The following THNSL2 variants were observed in gnomAD, a reference collection of about 807,000 sequenced individuals.
THNSL2 encodes the protein threonine synthase like 2.
In THNSL2, 34 loss-of-function variants were observed where a neutral mutation model predicts 40.0. The observed-to-expected ratio is 0.85, with a 90% CI of 0.65 to 1.13. THNSL2 has a LOEUF of 1.13. Ranked by LOEUF, THNSL2 falls within the 50% of genes most tolerant of loss-of-function variation. The pLI, the probability that THNSL2 is intolerant of heterozygous loss-of-function variation, is 0.00. For missense variants in THNSL2, 537 were observed against 608.8 expected (o/e 0.88, Z 1.24); for synonymous variants, 241 against 247.5 (o/e 0.97, Z 0.25).
In THNSL2 at chr2:88,186,006, C is replaced by T. The variant is rs370502681; in HGVS notation, c.1338C>T (p.His446=). 8.7e-6 allele frequency: 14 copies of T among 1,611,176 alleles called. No individual in the cohort carries two copies. The African/African-American group carries it at 1.7e-4, about 20-fold the overall frequency. Residue 446 remains histidine (H), a synonymous_variant, in exon 9 of 9, where the codon CAC becomes CAT. Coordinates refer to ENST00000674334, the MANE Select transcript of THNSL2 (RefSeq NM_018271.5). ...CCGCGGAGATCGTAGCCCTGGAGCA[C>T]AAGGAGACACGCTGCACCCTGATGC... ...ETPAEIVALE[H]KETRCTLMRR...
intron 8 of THNSL2, 191 bp from the exon 9 acceptor site, chr2:88,185,706 AG>A: frequency 1.9e-6 from 3 of 1,551,294 alleles, no homozygotes; most frequent in Non-Finnish European, 2.6e-6. Flanking sequence ...GCCTCCAACC[AG>A]GAGGAGCAGT....
intron 5 of THNSL2, among the ~76,000 whole-genome samples, 197 bp downstream of exon 5, chr2:88,179,210 G>A (rs1007116895): frequency 1.3e-4 from 20 of 152,214 alleles, no homozygotes; most frequent in African/African-American, 3.9e-4. Flanking sequence ...TCCTGCTGCC[G>A]GCAGCAGAGG....
At chr2:88,172,490 C>G (rs969495177) in intron 1 of THNSL2, 2 of 152,144 alleles carry the variant, frequency 1.3e-5, no homozygotes, top group Non-Finnish European at 2.9e-5. Flanking sequence ...GTTTTAAGAC[C>G]AGAAAACTCC....
At chr2:88,184,976 G>T (rs1023445824) in intron 7 of THNSL2, among the ~76,000 whole-genome samples, 1 of 152,168 alleles carries the variant, frequency 6.6e-6, no homozygotes, top group South Asian at 2.1e-4. Context: ...TCTGTGAGCT[G>T]AATAGGAACT....
chr2:88,178,675 T>G, intron 4 of THNSL2, 108 bp from the exon 5 acceptor site: 1 of 1,163,832 alleles, frequency 8.6e-7, no homozygotes, highest in Non-Finnish European at 1.3e-6. Flanking sequence ...TGCGCGAAGG[T>G]CCCAGGAGGG....
At position 88,175,253 on chromosome 2, in the gene THNSL2, A is replaced by G; in HGVS notation, c.423A>G (p.Thr141=). Residue 141 remains threonine, a synonymous_variant, in exon 4 of 9, where the codon ACA becomes ACG. Coordinates refer to ENST00000674334, the MANE Select transcript of THNSL2 (RefSeq NM_018271.5). ...TTCTCCTTTCTTCCCATCCAGGAAC[A>G]TCTGGGGACACAGGAAGTGCTGCCA... ...REKHVTVVVG[T]SGDTGSAAIE... is the part of the protein sequence containing the mutation. The G allele has an allele frequency of 6.2e-7, 1 of 1,614,054 alleles. No individual in the cohort carries two copies. The highest frequency in any genetic ancestry group is 8.5e-7 in the Non-Finnish European group (1 of 1,179,938).
At position 88,181,517 on chromosome 2, in the gene THNSL2, TCCTCTCTCTCCCCTCTCTCTCC is replaced by T. The variant is rs1189005999; in HGVS notation, c.803-1159_803-1138del. ...CTCTCCTCTCTCTCTCCTCTCTCTCTCCTCTCTCTCCCCTCTCTCTCCCCTCTCTCTCCCCTCTCTCTCCTCT... is the reference window on the plus strand; with the variant it reads ...CTCTCCTCTCTCTCTCCTCTCTCTCTCCTCTCTCTCCCCTCTCTCTCCTCT... On this transcript the variant is annotated intron_variant, in intron 5 of 8. Coordinates refer to ENST00000674334, the MANE Select transcript of THNSL2 (RefSeq NM_018271.5). Among the ~76,000 whole-genome samples, 10 of 66,122 alleles carry T rather than the reference TCCTCTCTCTCCCCTCTCTCTCC, an allele frequency of 1.5e-4. No homozygotes were observed. In the East Asian group the frequency reaches 3.4e-3, roughly 23 times the overall value. The allele number at this position is 66,122 out of a possible 152,430, so 43.4% of individuals were successfully genotyped here.
At chr2:88,181,801 T>G (rs1221589146) in intron 5 of THNSL2, among the ~76,000 whole-genome samples, 3 of 152,118 alleles carry the variant, frequency 2.0e-5, no homozygotes, top group Non-Finnish European at 4.4e-5. Context: ...TCGCCAGCCC[T>G]TGGTAACCAC....
intron 1 of THNSL2, chr2:88,172,277 G>A (rs11683461): frequency 0.25 from 38,440 of 152,252 alleles, 5,291 homozygotes; most frequent in East Asian, 0.53. Flanking sequence ...AGTGTGACCA[G>A]TGTTAGGCCT....
At chr2:88,173,591 ATTCT>A (rs919904085) in intron 2 of THNSL2, among the ~76,000 whole-genome samples, 2 of 151,774 alleles carry the variant, frequency 1.3e-5, no homozygotes, top group African/African-American at 4.8e-5. Context: ...TCTTCAGAGA[ATTCT>A]TTCTTTCTCT....
At chr2:88,185,820 T>C in intron 8 of THNSL2, 78 bp from the exon 9 acceptor site, 1 of 1,540,978 alleles carries the variant, frequency 6.5e-7, no homozygotes, top group Non-Finnish European at 8.8e-7. Flanking sequence ...CTGTTTCTTA[T>C]TCCTCCTCCA....
At position 88,173,182 on chromosome 2, in the gene THNSL2, C is replaced by T. The variant is rs374311669; in HGVS notation, c.32C>T (p.Pro11Leu). 1.4e-5 allele frequency: 23 copies of T among 1,597,194 alleles called. No individual in the cohort carries two copies. The East Asian group carries it at 3.1e-4, about 22-fold the overall frequency. The change falls in exon 2 of 9, where the codon CCA (proline) becomes CTA (leucine). Residue 11 changes from proline to leucine, a missense_variant. By Grantham distance (98) the Pro-to-Leu change is moderately conservative (BLOSUM62 -3). Transcript: ENST00000674334. ...TATGTCAGCACCAGGGGCGTAGCCC[C>T]ACGGGTCAACTTTGAGGGGGCCCTC... MWYVSTRGVA[P>L]RVNFEGALFS...
Position 88,185,983 on chromosome 2 carries a change from G to T in THNSL2, c.1315G>T (p.Ala439Ser), listed in dbSNP as rs200685654. 11 of 1,612,608 alleles carry T rather than the reference G, an allele frequency of 6.8e-6. No individual in the cohort carries two copies. In the South Asian group the frequency reaches 9.9e-5, roughly 15 times the overall value. ...TGCTGGCCTGACCCCTGAGACTCCC[G>T]CGGAGATCGTAGCCCTGGAGCACAA... ...LAAGLTPETPAEIVALEHKET... is the reference protein window; with the variant it reads ...LAAGLTPETPSEIVALEHKET... Residue 439 changes from alanine (A) to serine (S), a missense_variant, in exon 9 of 9, where the codon GCG (alanine) becomes TCG (serine). Ala to Ser is a moderately conservative substitution (Grantham distance 99). Transcript: ENST00000674334.
At chr2:88,179,130 A>G in intron 5 of THNSL2, 117 bp downstream of exon 5, 1 of 1,045,216 alleles carries the variant, frequency 9.6e-7, no homozygotes, top group South Asian at 1.4e-5. Flanking sequence ...CCAGTTCTGA[A>G]GGTGATGGGA....
chr2:88,180,173 C>T (rs1045748668), intron 5 of THNSL2, among the ~76,000 whole-genome samples: 1 of 152,252 alleles, frequency 6.6e-6, no homozygotes, highest in Non-Finnish European at 1.5e-5. Flanking sequence ...TACCACAGTG[C>T]TCGATACAAA....
chr2:88,174,799 G>A lies in THNSL2; in HGVS notation c.384G>A (p.Leu128=), dbSNP rs1415419218. Reference sequence around the variant, plus strand: ...CAACACAGTTCCTGCAGTACTTCCTGGAGAAGAGGGAGAAGCACGTCACTG... The same window carrying A: ...CAACACAGTTCCTGCAGTACTTCCTAGAGAAGAGGGAGAAGCACGTCACTG... ...SCTTQFLQYF[L]EKREKHVTVV... is the part of the protein sequence containing the mutation. Residue 128 remains leucine (L), a synonymous_variant, in exon 3 of 9, where the codon CTG becomes CTA. Coordinates refer to ENST00000674334, the MANE Select transcript of THNSL2 (RefSeq NM_018271.5). 1.2e-6 allele frequency: 2 copies of A among 1,614,154 alleles called. No individual in the cohort carries two copies. The highest frequency in any genetic ancestry group is 3.3e-5 in the Admixed American group (2 of 60,022).
intron 1 of THNSL2, chr2:88,171,430 C>G (rs1436629520): frequency 2.4e-6 from 1 of 425,096 alleles, no homozygotes; most frequent in Non-Finnish European, 4.8e-6. Flanking sequence ...TGTGATATTC[C>G]TTCCACCCAG....
Position 88,174,624 on chromosome 2 carries a change from C to G in THNSL2, c.224-15C>G, listed in dbSNP as rs754741565. On this transcript the variant is annotated splice_polypyrimidine_tract_variant and intron_variant, in intron 2 of 8. Coordinates refer to ENST00000674334, the MANE Select transcript of THNSL2 (RefSeq NM_018271.5). The stretch of plus-strand genomic sequence containing the variant: ...CCAGGCCCCTCATTGGCTATCCACC[C>G]CACTACCCTCACAGATCTGATCGAC... The G allele has an allele frequency of 6.2e-7, 1 of 1,612,178 alleles. No individual in the cohort carries two copies. Among genetic ancestry groups the G allele is most frequent in the South Asian group, 1.1e-5 (1 of 90,900 alleles).
chr2:88,176,528 G>A (rs1301789102), intron 4 of THNSL2: 1 of 152,264 alleles, frequency 6.6e-6, no homozygotes, highest in Non-Finnish European at 1.5e-5. Flanking sequence ...TCACTCACCT[G>A]ACAGAACAGC....
Sources: gnomAD v4.1 joint callset for allele counts (sites outside exome capture counted in the v4.1 genomes callset) on GRCh38, gnomAD v4.1.1 for gene constraint, MANE v1.5 for transcripts, NCBI Gene and HGNC (gene_info 2026-07-23, HGNC 2026-07-21) for gene names.